ARAP2: variants seen among roughly 807,000 people sequenced by gnomAD.
ARAP2 encodes ArfGAP with RhoGAP domain, ankyrin repeat and PH domain 2, also known as arf-GAP with Rho-GAP domain, ANK repeat and PH domain-containing protein 2.
A neutral mutation model predicts 194.5 loss-of-function variants in ARAP2; 148 were observed. The ratio of observed to expected loss-of-function variants is 0.76; its 90% CI spans 0.67 to 0.87. The LOEUF (loss-of-function observed/expected upper bound fraction) is 0.87. Among genes scored for constraint, ARAP2 ranks in the 40% least tolerant of loss-of-function variants. The pLI is 0.00. For synonymous variants in ARAP2, 695 were observed against 683.5 expected (o/e 1.02, Z -0.26); for missense variants, 2,128 against 1,989.7 (o/e 1.07, Z -1.32).
Position 36,150,941 on chromosome 4 carries a change from G to C in ARAP2, c.2856C>G (p.Ile952Met), listed in dbSNP as rs777365279. ...PNGTININEV[I>M]CLAIHKEDFY... is the part of the protein sequence containing the mutation. Reference sequence around the variant, plus strand: ...AGTCCTCTTTGTGTATAGCCAGGCAGATAACTTCATTGATATTAATGGTGC... The same window carrying C: ...AGTCCTCTTTGTGTATAGCCAGGCACATAACTTCATTGATATTAATGGTGC... Residue 952 changes from isoleucine (I) to methionine (M), a missense_variant, in exon 16 of 33, where the codon ATC (isoleucine) becomes ATG (methionine). Physicochemically the swap from Ile to Met is conservative, Grantham distance 10. Transcript: ENST00000303965. 1 of 1,613,240 alleles carries C rather than the reference G, an allele frequency of 6.2e-7. No individual in the cohort carries two copies. The highest frequency in any genetic ancestry group is 1.1e-5 in the South Asian group (1 of 90,902).
intron 9 of ARAP2, among the ~76,000 whole-genome samples, chr4:36,173,690 GA>G (rs553590437): frequency 1.3e-5 from 2 of 151,772 alleles, no homozygotes; most frequent in African/African-American, 4.8e-5. Flanking sequence ...CGAATTGGAG[GA>G]AAAAAAACTC....
At chr4:36,157,499 G>A (rs1254155778) in intron 15 of ARAP2, 1 of 152,102 alleles carries the variant, frequency 6.6e-6, no homozygotes, top group African/African-American at 2.4e-5. Flanking sequence ...AAAAATGCTC[G>A]GCCATTCTAC....
intron 11 of ARAP2, among the ~76,000 whole-genome samples, chr4:36,162,349 A>C (rs1054407025): frequency 2.6e-5 from 4 of 152,182 alleles, no homozygotes; most frequent in African/African-American, 9.7e-5. Flanking sequence ...GTGTGTACTT[A>C]AAAATCTGAC....
chr4:36,212,536 G>T (rs369366918), intron 4 of ARAP2, 49 bp from the exon 5 acceptor site: 33 of 1,394,286 alleles, frequency 2.4e-5, no homozygotes, highest in African/African-American at 2.0e-4. Flanking sequence ...TTGCTTTTTG[G>T]TTTGGGGATT....
At chr4:36,243,055 T>C (rs1753832978) in intron 1 of ARAP2, among the ~76,000 whole-genome samples, 1 of 151,926 alleles carries the variant, frequency 6.6e-6, no homozygotes, top group African/African-American at 2.4e-5. Flanking sequence ...TTTCTCTCAA[T>C]ATTTCTCCTG....
intron 21 of ARAP2, 91 bp from the exon 22 acceptor site, chr4:36,125,058 C>A (rs1011966200): frequency 1.3e-6 from 1 of 773,184 alleles, no homozygotes; most frequent in Middle Eastern, 2.6e-4. Context: ...CAGTCACAAA[C>A]AAATGCATTT....
chr4:36,050,408 G>A (rs1023664234), intron 3 of ARAP2, among the ~76,000 whole-genome samples: 8 of 151,944 alleles, frequency 5.3e-5, no homozygotes, highest in Admixed American at 5.3e-4. Context: ...GCAAAATAAG[G>A]GTATTCCAAA....
chr4:36,018,441 A>T (rs1716275347), intron 6 of ARAP2, among the ~76,000 whole-genome samples: 1 of 59,468 alleles, frequency 1.7e-5, no homozygotes, highest in Non-Finnish European at 3.4e-5. Flanking sequence ...AACTCACTCA[A>T]TATCTCAAAA....
chr4:36,136,015 T>C (rs889985517), intron 19 of ARAP2, among the ~76,000 whole-genome samples: 1 of 151,800 alleles, frequency 6.6e-6, no homozygotes, highest in African/African-American at 2.4e-5. Flanking sequence ...CATGAATTAG[T>C]GAAGAGTAGA....
intron 19 of ARAP2, among the ~76,000 whole-genome samples, 197 bp from the exon 20 acceptor site, chr4:36,133,586 A>G (rs915251678): frequency 2.0e-5 from 3 of 151,642 alleles, no homozygotes; most frequent in African/African-American, 7.3e-5. Context: ...AGCTCTCTGA[A>G]TTTATGGTCT....
At position 36,103,865 on chromosome 4, in the gene ARAP2, G is replaced by A. The variant is rs545694639; in HGVS notation, c.4285+3700C>T. Among the ~76,000 whole-genome samples the A allele has an allele frequency of 3.5e-3, 534 of 151,944 alleles. 5 individuals carry two copies. The highest frequency in any genetic ancestry group is 5.0e-3 in the Non-Finnish European group (336 of 67,850). On this transcript the variant is annotated intron_variant, in intron 27 of 32. Transcript: ENST00000303965. ...ATAGTTCAGATAAAGAAAGAAAATT[G>A]AGAAAATTAAAACCCCTTAATTTTA... is the stretch of plus-strand genomic sequence containing the variant.
rs376300135 is a variant in ARAP2 at position 36,133,392 on chromosome 4, G to A, written c.3264-3C>T. The stretch of plus-strand genomic sequence containing the variant: ...TATGCCCATGGATGTATAATGTTCT[G>A]TAAAGTTTAAAAAGCATTTCAAATT... On this transcript the variant is annotated splice_polypyrimidine_tract_variant and splice_region_variant and intron_variant, in intron 19 of 32. Transcript: ENST00000303965. 23 of 1,601,088 alleles carry A rather than the reference G, an allele frequency of 1.4e-5. No individual in the cohort carries two copies. The African/African-American group carries it at 2.8e-4, about 20-fold the overall frequency.
At chr4:36,227,692 G>T (rs1228273021) in intron 2 of ARAP2, among the ~76,000 whole-genome samples, 1 of 152,118 alleles carries the variant, frequency 6.6e-6, no homozygotes, top group Non-Finnish European at 1.5e-5. Flanking sequence ...CGTGTGTAAA[G>T]CATTTAGTGC....
At chr4:36,187,616 C>A (rs757737265) in intron 7 of ARAP2, 45 bp from the exon 8 acceptor site, 3 of 1,474,762 alleles carry the variant, frequency 2.0e-6, no homozygotes, top group South Asian at 2.9e-5. Flanking sequence ...AAACGAAATT[C>A]TCTTGATCTT....
chr4:36,137,302 T>C (rs184414377), intron 19 of ARAP2, among the ~76,000 whole-genome samples: 2 of 151,862 alleles, frequency 1.3e-5, no homozygotes, highest in African/African-American at 4.8e-5. Flanking sequence ...TGGAAATAAG[T>C]TGAAATCCCA....
At position 36,107,623 on chromosome 4, in the gene ARAP2, G is replaced by A. The variant is rs1718752771; in HGVS notation, c.4227C>T (p.Gly1409=). Residue 1409 remains glycine, a synonymous_variant, in exon 27 of 33, where the codon GGC becomes GGT. Coordinates refer to ENST00000303965, the MANE Select transcript of ARAP2 (RefSeq NM_015230.4). ...ATCTCTTCACCACCAGGTAAGCAGA[G>A]CCAGGTTCAGCTAATGAACTCCACC... ...VLRWSSLAEP[G]SAYLVVKRFL... The A allele has an allele frequency of 1.9e-6, 3 of 1,610,878 alleles. No individual in the cohort carries two copies.
intron 19 of ARAP2, among the ~76,000 whole-genome samples, chr4:36,134,012 G>C (rs1485010322): frequency 6.6e-6 from 1 of 151,716 alleles, no homozygotes; most frequent in Non-Finnish European, 1.5e-5. Context: ...TGACTGAAAA[G>C]CAGGAGAATA....
chr4:36,054,903 A>G (rs1376873184), intron 2 of ARAP2, among the ~76,000 whole-genome samples: 2 of 152,222 alleles, frequency 1.3e-5, no homozygotes, highest in Admixed American at 1.3e-4. Context: ...AGGACATTTT[A>G]TAATGATTGG....
At chr4:36,110,975 T>C (rs1719824892) in intron 26 of ARAP2, among the ~76,000 whole-genome samples, 1 of 151,938 alleles carries the variant, frequency 6.6e-6, no homozygotes, top group Admixed American at 6.6e-5. Flanking sequence ...ATTTTTATAT[T>C]TTAATTAGGG....
Sources: gnomAD v4.1 joint callset for allele counts (sites outside exome capture counted in the v4.1 genomes callset) on GRCh38, gnomAD v4.1.1 for gene constraint, MANE v1.5 for transcripts, NCBI Gene and HGNC (gene_info 2026-07-23, HGNC 2026-07-21) for gene names.